Variants in DPYD observed in about 807,000 individuals in gnomAD.
DPYD encodes the protein dihydropyrimidine dehydrogenase.
DPYD carries 109 observed loss-of-function variants against 116.2 expected under a neutral mutation model. The ratio of observed to expected loss-of-function variants is 0.94; its 90% CI spans 0.80 to 1.10. The LOEUF (loss-of-function observed/expected upper bound fraction) is 1.10. DPYD is among the 50% of genes least tolerant of loss of function. DPYD has a pLI of 0.00. For missense variants in DPYD, 1,302 were observed against 1,254.5 expected, an observed-to-expected ratio of 1.04 and a Z score of -0.57; for synonymous variants, 440 against 432.0, an observed-to-expected ratio of 1.02 and a Z score of -0.23.
intron 18 of DPYD, among the ~76,000 whole-genome samples, chr1:97,235,460 A>G (rs1433450747): frequency 6.6e-6 from 1 of 152,162 alleles, no homozygotes; most frequent in African/African-American, 2.4e-5. Context: ...GCTACTAAAA[A>G]TACAAAAATA....
At chr1:97,667,875 C>A (rs984597885) in intron 8 of DPYD, among the ~76,000 whole-genome samples, 5 of 151,926 alleles carry the variant, frequency 3.3e-5, no homozygotes, top group Non-Finnish European at 7.4e-5. Flanking sequence ...ATTATTCAGT[C>A]TTAAAAAAGA....
At chr1:97,432,326 T>G (rs985385184) in intron 14 of DPYD, among the ~76,000 whole-genome samples, 3 of 152,150 alleles carry the variant, frequency 2.0e-5, no homozygotes, top group Non-Finnish European at 2.9e-5. Flanking sequence ...TTACTATGTC[T>G]TCAACTTCAC....
At chr1:97,765,931 T>C (rs776953053) in intron 3 of DPYD, among the ~76,000 whole-genome samples, 36 of 152,128 alleles carry the variant, frequency 2.4e-4, no homozygotes, top group Non-Finnish European at 4.7e-4. Context: ...TGGTGACCTG[T>C]GTTATGCAGC....
chr1:97,312,887 C>G (rs974578858), intron 16 of DPYD, among the ~76,000 whole-genome samples: 2 of 151,856 alleles, frequency 1.3e-5, no homozygotes, highest in Non-Finnish European at 2.9e-5. Flanking sequence ...AGATAAATTT[C>G]ATCTATTATT....
At chr1:97,502,620 A>G (rs1679645443) in intron 13 of DPYD, among the ~76,000 whole-genome samples, 1 of 152,012 alleles carries the variant, frequency 6.6e-6, no homozygotes, top group Non-Finnish European at 1.5e-5. Context: ...TTAGGATAAG[A>G]GTAGAAGCAG....
intron 5 of DPYD, chr1:97,700,435 T>C (rs150147594): frequency 2.2e-4 from 79 of 367,012 alleles, no homozygotes; most frequent in African/African-American, 1.6e-3. Context: ...GAAAGAGCCC[T>C]AGTACACACC....
intron 10 of DPYD, among the ~76,000 whole-genome samples, chr1:97,584,692 C>T (rs890256924): frequency 3.1e-4 from 46 of 150,152 alleles, no homozygotes; most frequent in African/African-American, 8.4e-4. Context: ...AGCAAACTAC[C>T]GCAACGACAA....
intron 3 of DPYD, among the ~76,000 whole-genome samples, chr1:97,748,469 C>T (rs1157008781): frequency 6.6e-6 from 1 of 152,008 alleles, no homozygotes; most frequent in African/African-American, 2.4e-5. Flanking sequence ...ATTAGCCAGG[C>T]GTGGTGGCAC....
At chr1:97,876,694 G>A (rs1279820682) in intron 2 of DPYD, among the ~76,000 whole-genome samples, 7 of 151,806 alleles carry the variant, frequency 4.6e-5, no homozygotes, top group African/African-American at 1.7e-4. Context: ...TACCTATTAG[G>A]CAGAGAAGCC....
At chr1:97,888,714 G>C (rs533686498) in intron 1 of DPYD, among the ~76,000 whole-genome samples, 239 of 151,908 alleles carry the variant, frequency 1.6e-3, no homozygotes, top group Non-Finnish European at 2.9e-3. Flanking sequence ...CCAGAGAGAA[G>C]TGGGATAAGA....
intron 16 of DPYD, among the ~76,000 whole-genome samples, chr1:97,311,110 T>C (rs1437359294): frequency 1.3e-5 from 2 of 151,714 alleles, no homozygotes; most frequent in African/African-American, 4.8e-5. Context: ...TGGAAATAAG[T>C]ATAAGAAAAT....
chr1:97,908,104 G>A (rs866342833), intron 1 of DPYD, among the ~76,000 whole-genome samples: 88 of 151,932 alleles, frequency 5.8e-4, no homozygotes, highest in African/African-American at 1.6e-3. Flanking sequence ...GGAGTGCAGT[G>A]GTGTAATCAT....
At chr1:97,264,173 T>G (rs1437175787) in intron 18 of DPYD, among the ~76,000 whole-genome samples, 5 of 91,622 alleles carry the variant, frequency 5.5e-5, no homozygotes, top group African/African-American at 3.3e-4. Context: ...TTTTTTTTTT[T>G]TTTTTTTTTT....
intron 2 of DPYD, among the ~76,000 whole-genome samples, chr1:97,882,254 T>C (rs951688693): frequency 2.0e-5 from 3 of 152,036 alleles, no homozygotes; most frequent in Non-Finnish European, 2.9e-5. Context: ...TAAGTGACTA[T>C]GGGATCTTTT....
At chr1:97,581,326 CAAA>C (rs1161399547) in intron 10 of DPYD, among the ~76,000 whole-genome samples, 125 of 66,580 alleles carry the variant, frequency 1.9e-3, no homozygotes, top group East Asian at 0.015. Context: ...GACTCAGTCT[CAAA>C]AAAAAAAAAA....
At chr1:97,148,447 T>C (rs1284670464) in intron 20 of DPYD, among the ~76,000 whole-genome samples, 2 of 152,172 alleles carry the variant, frequency 1.3e-5, no homozygotes, top group Non-Finnish European at 2.9e-5. Flanking sequence ...GATTTCCATC[T>C]AGGAATCAAA....
intron 16 of DPYD, among the ~76,000 whole-genome samples, chr1:97,316,261 G>T (rs1008166563): frequency 2.0e-5 from 3 of 151,568 alleles, no homozygotes; most frequent in Non-Finnish European, 4.4e-5. Flanking sequence ...AGACTGAGGA[G>T]GGTGGATCAC....
chr1:97,644,628 T>G (rs1658147170), intron 8 of DPYD, among the ~76,000 whole-genome samples: 1 of 151,508 alleles, frequency 6.6e-6, no homozygotes, highest in African/African-American at 2.4e-5. Context: ...TGTTTTTTTT[T>G]TTTGTATTTT....
rs962806950 is a variant in DPYD, at chr1:97,751,297, C to A, written c.234-10818G>T. Among the ~76,000 whole-genome samples, 4 of 148,612 alleles carry A rather than the reference C, an allele frequency of 2.7e-5. No homozygotes were observed. The South Asian group carries it at 8.5e-4, about 31-fold the overall frequency. On this transcript the variant is annotated intron_variant, in intron 3 of 22. Coordinates refer to ENST00000370192, the MANE Select transcript of DPYD (RefSeq NM_000110.4). ...CTTTCAAAATATATATATATACACACACATATATATACACATATATACATA... is the reference window on the plus strand; with the variant it reads ...CTTTCAAAATATATATATATACACAAACATATATATACACATATATACATA...
Sources: allele counts gnomAD v4.1 joint callset (sites outside exome capture counted in the v4.1 genomes callset), GRCh38; gene constraint gnomAD v4.1.1; transcripts MANE v1.5; gene names NCBI Gene and HGNC (gene_info 2026-07-23, HGNC 2026-07-21).